Variants in PIAS1 observed in about 807,000 individuals in gnomAD.
The protein encoded by PIAS1 is E3 SUMO-protein ligase PIAS1.
Under a neutral mutation model 71.3 loss-of-function variants are expected in PIAS1, and 6 were observed. The ratio of observed to expected loss-of-function variants is 0.08; its 90% CI spans 0.05 to 0.17. The LOEUF is 0.17. Ranked by LOEUF, PIAS1 falls within the 10% of genes least tolerant of loss-of-function variation. PIAS1 has a pLI of 1.00. For missense variants in PIAS1, 555 were observed against 793.6 expected, an observed-to-expected ratio of 0.70 and a Z score of 3.61; for synonymous variants, 303 against 292.9, an observed-to-expected ratio of 1.03 and a Z score of -0.35.
intron 2 of PIAS1, among the ~76,000 whole-genome samples, chr15:68,132,061 GAAAA>G (rs913333428): frequency 4.7e-5 from 7 of 149,392 alleles, no homozygotes; most frequent in Middle Eastern, 6.8e-3. Flanking sequence ...GAAAAGAAAA[GAAAA>G]AAAGAAAGAA....
chr15:68,177,597 CATT>C (rs2093028446), intron 11 of PIAS1, among the ~76,000 whole-genome samples: 1 of 152,146 alleles, frequency 6.6e-6, no homozygotes, highest in Non-Finnish European at 1.5e-5. Context: ...GTTCATGAAA[CATT>C]GTTATCTACT....
At chr15:68,060,776 G>A (rs899308788) in intron 1 of PIAS1, among the ~76,000 whole-genome samples, 18 of 150,042 alleles carry the variant, frequency 1.2e-4, no homozygotes, top group Non-Finnish European at 1.8e-4. Context: ...CTCTGCCTCC[G>A]GGGTTCAGGC....
rs1287079947 is a variant in PIAS1, at chr15:68,183,488, C to T, written c.1625-142C>T. ...ATCTAAAGAAAGGAGAGACGTAAAACGTTTAGCTCAACTCTTCATGTTTAA... is the reference window on the plus strand; with the variant it reads ...ATCTAAAGAAAGGAGAGACGTAAAATGTTTAGCTCAACTCTTCATGTTTAA... On this transcript the variant is annotated intron_variant, in intron 12 of 13. Coordinates refer to ENST00000249636, the MANE Select transcript of PIAS1 (RefSeq NM_016166.3). 8.8e-6 allele frequency: 5 copies of T among 566,744 alleles called. No homozygotes were observed. In the East Asian group the frequency reaches 9.6e-5, roughly 11 times the overall value. 35.1% of individuals were successfully genotyped at this position (566,744 alleles called of 1,614,324 possible).
chr15:68,063,886 T>C (rs2091987171), intron 1 of PIAS1, among the ~76,000 whole-genome samples: 1 of 147,016 alleles, frequency 6.8e-6, no homozygotes, highest in African/African-American at 2.6e-5. Context: ...GTAGTTGTGT[T>C]CTTCATCACT....
intron 8 of PIAS1, 87 bp downstream of exon 8, chr15:68,164,891 G>T (rs774970714): frequency 4.1e-6 from 3 of 723,104 alleles, no homozygotes; most frequent in African/African-American, 1.8e-5. Flanking sequence ...GAGAAATTCT[G>T]TTTGCTTCTA....
At chr15:68,107,907 A>G (rs1019150388) in intron 2 of PIAS1, among the ~76,000 whole-genome samples, 1 of 150,338 alleles carries the variant, frequency 6.7e-6, no homozygotes, top group Non-Finnish European at 1.5e-5. Context: ...TTTTCTTTCT[A>G]GAATTAGAGT....
intron 2 of PIAS1, among the ~76,000 whole-genome samples, chr15:68,095,706 AT>A (rs2092369005): frequency 6.6e-6 from 1 of 151,064 alleles, no homozygotes; most frequent in Non-Finnish European, 1.5e-5. Flanking sequence ...CATTTTTTGT[AT>A]TTTCGTAGAG....
intron 2 of PIAS1, among the ~76,000 whole-genome samples, chr15:68,098,933 T>C (rs765141549): frequency 2.6e-5 from 4 of 152,160 alleles, no homozygotes; most frequent in African/African-American, 4.8e-5. Context: ...TTTTTGTAGA[T>C]GTTGCCAAAT....
chr15:68,067,676 G>A (rs1015214371), intron 1 of PIAS1, among the ~76,000 whole-genome samples: 5 of 151,988 alleles, frequency 3.3e-5, no homozygotes, highest in Admixed American at 6.6e-5. Flanking sequence ...AGTAGAAATC[G>A]TGTTATTTTC....
At chr15:68,170,869 G>A (rs1371704256) in intron 8 of PIAS1, among the ~76,000 whole-genome samples, 1 of 152,090 alleles carries the variant, frequency 6.6e-6, no homozygotes, top group South Asian at 2.1e-4. Context: ...TCAAACTCCT[G>A]ATCTCAGGTG....
At chr15:68,183,589 CTTCT>C in intron 12 of PIAS1, 37 bp from the exon 13 acceptor site, 3 of 854,580 alleles carry the variant, frequency 3.5e-6, no homozygotes, top group Non-Finnish European at 5.6e-6. Flanking sequence ...AGAGTTTTTC[CTTCT>C]TTTTTTTTTA....
intron 7 of PIAS1, among the ~76,000 whole-genome samples, chr15:68,155,292 A>G (rs1228514244): frequency 6.6e-6 from 1 of 152,162 alleles, no homozygotes; most frequent in Non-Finnish European, 1.5e-5. Flanking sequence ...GATGTGGAGA[A>G]TAATTGTACA....
Position 68,069,130 on chromosome 15 carries a change from G to A in PIAS1, c.24+14780G>A, listed in dbSNP as rs145351876. Reference sequence around the variant, plus strand: ...AGGCTGGTCTCGAACTCCAGACGTCGTGATCCGCCCACCTCAGCCTCCCAA... The same window carrying A: ...AGGCTGGTCTCGAACTCCAGACGTCATGATCCGCCCACCTCAGCCTCCCAA... On this transcript the variant is annotated intron_variant, in intron 1 of 13. Transcript: ENST00000249636. Among the ~76,000 whole-genome samples, 931 of 151,364 alleles carry A rather than the reference G, an allele frequency of 6.2e-3. 5 individuals are homozygous for A. The highest frequency in any genetic ancestry group is 0.033 in the East Asian group (163 of 5,012).
At chr15:68,121,024 A>G (rs1454845635) in intron 2 of PIAS1, among the ~76,000 whole-genome samples, 6 of 152,192 alleles carry the variant, frequency 3.9e-5, no homozygotes, top group African/African-American at 1.4e-4. Flanking sequence ...TAAATAAACA[A>G]TTCTTTATAT....
At chr15:68,140,501 A>G (rs1419335563) in intron 2 of PIAS1, among the ~76,000 whole-genome samples, 1 of 152,138 alleles carries the variant, frequency 6.6e-6, no homozygotes, top group African/African-American at 2.4e-5. Flanking sequence ...AATTAAGACA[A>G]CTTTTTCTGT....
chr15:68,139,981 A>T (rs1041992053), intron 2 of PIAS1, among the ~76,000 whole-genome samples: 7 of 152,160 alleles, frequency 4.6e-5, no homozygotes, highest in African/African-American at 1.4e-4. Context: ...TTTATCTAAA[A>T]CCAAAACTAT....
chr15:68,114,277 TTA>T (rs1315938647), intron 2 of PIAS1, among the ~76,000 whole-genome samples: 1 of 152,132 alleles, frequency 6.6e-6, no homozygotes, highest in African/African-American at 2.4e-5. Flanking sequence ...ACTTAATATT[TTA>T]TGACTGTATT....
chr15:68,170,247 A>T (rs1301431046), intron 8 of PIAS1, among the ~76,000 whole-genome samples: 2 of 152,206 alleles, frequency 1.3e-5, no homozygotes, highest in Non-Finnish European at 2.9e-5. Flanking sequence ...TTTTGTTGTT[A>T]TTCAACAAAA....
intron 2 of PIAS1, among the ~76,000 whole-genome samples, chr15:68,107,950 G>C (rs2092486908): frequency 6.6e-6 from 1 of 152,080 alleles, no homozygotes; most frequent in South Asian, 2.1e-4. Context: ...TCTTGTACAA[G>C]AAAACTACTA....
Sources: allele counts gnomAD v4.1 joint callset (sites outside exome capture counted in the v4.1 genomes callset), GRCh38; gene constraint gnomAD v4.1.1; transcripts MANE v1.5; gene names NCBI Gene and HGNC (gene_info 2026-07-23, HGNC 2026-07-21).